Variants in CCDC7 observed in about 807,000 individuals in gnomAD.
CCDC7 encodes coiled-coil domain-containing protein 7.
Under a neutral mutation model 196.9 loss-of-function variants are expected in CCDC7, and 183 were observed. The ratio of observed to expected loss-of-function variants is 0.93; its 90% confidence interval spans 0.82 to 1.05. The LOEUF is 1.05. Among genes scored for constraint, CCDC7 ranks in the 50% least tolerant of loss-of-function variants. CCDC7 has a pLI of 0.00. For missense variants in CCDC7, 1,540 were observed against 1,482.2 expected, an observed-to-expected ratio of 1.04 and a Z score of -0.64; for synonymous variants, 525 against 484.6, an observed-to-expected ratio of 1.08 and a Z score of -1.10.
At chr10:32,478,670 A>T (rs76487854) in intron 8 of CCDC7, among the ~76,000 whole-genome samples, 20,340 of 152,092 alleles carry the variant, frequency 0.13, 1,611 homozygotes, top group African/African-American at 0.22. Flanking sequence ...GTTGTGTTGT[A>T]TAGTTCTTTC....
At chr10:32,611,285 A>G (rs187213927) in intron 18 of CCDC7, among the ~76,000 whole-genome samples, 3,185 of 152,066 alleles carry the variant, frequency 0.021, 45 homozygotes, top group Non-Finnish European at 0.028. Flanking sequence ...TTTTTCTTGT[A>G]AATTTGTTTA....
At chr10:32,541,005 C>G (rs764287453) in intron 11 of CCDC7, among the ~76,000 whole-genome samples, 2 of 151,592 alleles carry the variant, frequency 1.3e-5, no homozygotes, top group East Asian at 1.9e-4. Context: ...TTTCAGGAAC[C>G]AATCAGTCAT....
At chr10:32,747,932 A>C (rs183056534) in intron 28 of CCDC7, among the ~76,000 whole-genome samples, 1 of 152,356 alleles carries the variant, frequency 6.6e-6, no homozygotes, top group Non-Finnish European at 1.5e-5. Context: ...TCACAGCACT[A>C]TTGACAATAG....
chr10:32,677,368 T>TA lies in CCDC7; in HGVS notation c.2123-8600dup, dbSNP rs768692082. The stretch of plus-strand genomic sequence containing the variant: ...TATCCTAAAACTTAAAGTATAATAA[T>TA]AATAAAAAAAAAGAATTCCCTTTAT... On this transcript the variant is annotated intron_variant, in intron 21 of 41. Coordinates refer to ENST00000639629, the Ensembl canonical transcript of CCDC7. Among the ~76,000 whole-genome samples, 295 of 138,898 alleles carry TA rather than the reference T, an allele frequency of 2.1e-3. 1 individual carries two copies. Among genetic ancestry groups the TA allele is most frequent in the Middle Eastern group, 7.5e-3 (2 of 268 alleles). 91.1% of individuals were successfully genotyped at this position (138,898 alleles called of 152,430 possible).
chr10:32,878,101 T>C (rs899405294), downstream of CCDC7, among the ~76,000 whole-genome samples: 1 of 152,104 alleles, frequency 6.6e-6, no homozygotes, highest in Non-Finnish European at 1.5e-5. Flanking sequence ...AGTAGAATGT[T>C]TTGTGATATA....
intron 25 of CCDC7, among the ~76,000 whole-genome samples, chr10:32,719,892 G>A (rs2082150317): frequency 6.6e-6 from 1 of 152,184 alleles, no homozygotes; most frequent in Non-Finnish European, 1.5e-5. Flanking sequence ...AGGATGTGGA[G>A]AAATAGGAAT....
rs547830589 is a variant in CCDC7, at chr10:32,575,822, T to C, written c.1454+3929T>C. On this transcript the variant is annotated intron_variant, in intron 16 of 41. Transcript: ENST00000639629. ...TTAGAGACTCATTATTATAGATCTCTCCATCAGCCCTGGCTGACACCTGGT... is the reference window on the plus strand; with the variant it reads ...TTAGAGACTCATTATTATAGATCTCCCCATCAGCCCTGGCTGACACCTGGT... Among the ~76,000 whole-genome samples, 21 of 152,276 alleles carry C rather than the reference T, an allele frequency of 1.4e-4. No individual in the cohort carries two copies. In the South Asian group the frequency reaches 3.9e-3, roughly 29 times the overall value.
At chr10:32,541,892 T>A (rs916161208) in intron 11 of CCDC7, among the ~76,000 whole-genome samples, 1 of 152,218 alleles carries the variant, frequency 6.6e-6, no homozygotes, top group Non-Finnish European at 1.5e-5. Flanking sequence ...ATGGTTCACT[T>A]ACTCAGCCTT....
At chr10:32,716,287 C>G (rs1426813641) in intron 25 of CCDC7, among the ~76,000 whole-genome samples, 1 of 152,144 alleles carries the variant, frequency 6.6e-6, no homozygotes, top group Non-Finnish European at 1.5e-5. Context: ...AATTTCATAT[C>G]CAGCCAAACT....
intron 24 of CCDC7, among the ~76,000 whole-genome samples, chr10:32,705,689 C>T (rs1210542239): frequency 6.6e-6 from 1 of 152,100 alleles, no homozygotes; most frequent in Admixed American, 6.5e-5. Flanking sequence ...TTAAAACAGA[C>T]TTTAAACCAA....
intron 37 of CCDC7, among the ~76,000 whole-genome samples, chr10:32,847,356 G>A (rs1252699781): frequency 6.6e-6 from 1 of 152,160 alleles, no homozygotes; most frequent in Non-Finnish European, 1.5e-5. Context: ...CTACACCAAG[G>A]AAAAGGGCAT....
intron 28 of CCDC7, among the ~76,000 whole-genome samples, chr10:32,757,586 G>A (rs2076681675): frequency 6.6e-6 from 1 of 152,204 alleles, no homozygotes; most frequent in Non-Finnish European, 1.5e-5. Flanking sequence ...CAGAATCTGT[G>A]GGACACATTT....
intron 21 of CCDC7, among the ~76,000 whole-genome samples, chr10:32,672,417 G>A (rs983874410): frequency 1.3e-5 from 2 of 152,120 alleles, no homozygotes; most frequent in African/African-American, 4.8e-5. Flanking sequence ...AGGTGTGGGT[G>A]GGTTCAATGT....
chr10:32,792,150 C>T (rs570382313), intron 29 of CCDC7, among the ~76,000 whole-genome samples: 89 of 152,060 alleles, frequency 5.9e-4, no homozygotes, highest in African/African-American at 1.3e-3. Flanking sequence ...ACAAACAAAA[C>T]GTGAGGGAAT....
chr10:32,829,002 C>A (rs1030448735), intron 32 of CCDC7, among the ~76,000 whole-genome samples: 4 of 152,138 alleles, frequency 2.6e-5, no homozygotes, highest in African/African-American at 9.7e-5. Context: ...TTGGGCTCCT[C>A]CTACCTTTAA....
chr10:32,794,972 TGCTTG>T (rs2083320401), intron 29 of CCDC7, among the ~76,000 whole-genome samples: 1 of 152,156 alleles, frequency 6.6e-6, no homozygotes, highest in African/African-American at 2.4e-5. Flanking sequence ...AGCATCCTAG[TGCTTG>T]GCAACCCCAT....
chr10:32,462,098 G>GA (rs1237483956), intron 3 of CCDC7, among the ~76,000 whole-genome samples: 1 of 151,958 alleles, frequency 6.6e-6, no homozygotes, highest in Non-Finnish European at 1.5e-5. Flanking sequence ...GAAAATATAT[G>GA]AAATAAATTT....
intron 41 of CCDC7, among the ~76,000 whole-genome samples, chr10:32,870,987 T>C (rs1006393532): frequency 3.3e-5 from 5 of 152,322 alleles, no homozygotes; most frequent in African/African-American, 1.2e-4. Flanking sequence ...TGCTGCTGGA[T>C]TCGGTTTGCC....
At chr10:32,761,718 A>G (rs2077492633) in intron 28 of CCDC7, among the ~76,000 whole-genome samples, 1 of 152,164 alleles carries the variant, frequency 6.6e-6, no homozygotes, top group East Asian at 1.9e-4. Flanking sequence ...TGAATTCCCA[A>G]TTTTATAGGA....
Sources: gnomAD v4.1 joint callset for allele counts (sites outside exome capture counted in the v4.1 genomes callset) on GRCh38, gnomAD v4.1.1 for gene constraint, MANE v1.5 for transcripts, NCBI Gene and HGNC (gene_info 2026-07-23, HGNC 2026-07-21) for gene names.